Variants in GMCL1 observed in about 807,000 individuals in gnomAD.
GMCL1 encodes germ cell-less protein-like 1.
Under a neutral mutation model 75.5 loss-of-function variants are expected in GMCL1, and 54 were observed. The observed-to-expected ratio is 0.71, with a 90% CI of 0.57 to 0.90. The LOEUF is 0.90. Ranked by LOEUF, GMCL1 falls within the 40% of genes least tolerant of loss-of-function variation. The pLI is 0.00. For synonymous variants in GMCL1, 210 were observed against 209.6 expected, an observed-to-expected ratio of 1.00 and a Z score of -0.02; for missense variants, 537 against 622.7, an observed-to-expected ratio of 0.86 and a Z score of 1.47.
chr2:69,843,125 T>C, intron 4 of GMCL1, 24 bp from the exon 5 acceptor site: 1 of 1,385,888 alleles, frequency 7.2e-7, no homozygotes, highest in Non-Finnish European at 1.0e-6. Context: ...AATGGGCCTT[T>C]CCAGTGCTTA....
chr2:69,861,433 C>T, intron 10 of GMCL1, 86 bp downstream of exon 10: 3 of 791,168 alleles, frequency 3.8e-6, no homozygotes, highest in Non-Finnish European at 6.2e-6. Context: ...AAATCATTAA[C>T]AGTATTGAAA....
chr2:69,865,261 G>A (rs906092659), intron 11 of GMCL1, among the ~76,000 whole-genome samples: 1 of 152,178 alleles, frequency 6.6e-6, no homozygotes, highest in Admixed American at 6.5e-5. Flanking sequence ...GAAATTGTGA[G>A]GGATCTGTTA....
chr2:69,838,070 A>T (rs1674870249), intron 2 of GMCL1, among the ~76,000 whole-genome samples: 2 of 152,196 alleles, frequency 1.3e-5, no homozygotes, highest in African/African-American at 2.4e-5. Context: ...GAGTGTGAAT[A>T]GAAAGTTCTC....
intron 9 of GMCL1, among the ~76,000 whole-genome samples, chr2:69,857,061 A>G (rs1675491673): frequency 6.6e-6 from 1 of 152,164 alleles, no homozygotes; most frequent in African/African-American, 2.4e-5. Context: ...ATTTCTCAGC[A>G]TCAGAAACCT....
At chr2:69,840,703 G>GA (rs1452700534) in intron 3 of GMCL1, among the ~76,000 whole-genome samples, 5 of 152,184 alleles carry the variant, frequency 3.3e-5, no homozygotes. Context: ...TTACATGTTA[G>GA]AAGAATGCAG....
intron 10 of GMCL1, among the ~76,000 whole-genome samples, chr2:69,861,803 C>T (rs770674602): frequency 7.2e-5 from 11 of 152,128 alleles, no homozygotes; most frequent in Non-Finnish European, 1.3e-4. Context: ...ACCATCCAGG[C>T]TGGGCACGGT....
intron 9 of GMCL1, 96 bp from the exon 10 acceptor site, chr2:69,861,182 T>C: frequency 1.1e-6 from 1 of 900,220 alleles, no homozygotes; most frequent in Non-Finnish European, 1.7e-6. Context: ...TAAACTTGTA[T>C]TTAGAAATGG....
chr2:69,859,489 A>C (rs527833278), intron 9 of GMCL1, among the ~76,000 whole-genome samples: 1 of 151,622 alleles, frequency 6.6e-6, no homozygotes, highest in African/African-American at 2.4e-5. Flanking sequence ...AGAAAGATTC[A>C]AAAGTGTATT....
chr2:69,857,917 CT>C (rs922366605), intron 9 of GMCL1, among the ~76,000 whole-genome samples: 1 of 151,904 alleles, frequency 6.6e-6, no homozygotes, highest in African/African-American at 2.4e-5. Flanking sequence ...TAGGAAGTAT[CT>C]TTTTTTTGCT....
chr2:69,858,966 T>G (rs996635809), intron 9 of GMCL1, among the ~76,000 whole-genome samples: 1 of 151,646 alleles, frequency 6.6e-6, no homozygotes, highest in Non-Finnish European at 1.5e-5. Flanking sequence ...ACCAACATGG[T>G]GAAACTCCGT....
At chr2:69,845,348 G>T (rs533236139) in intron 6 of GMCL1, among the ~76,000 whole-genome samples, 7 of 152,212 alleles carry the variant, frequency 4.6e-5, no homozygotes, top group Non-Finnish European at 8.8e-5. Context: ...GCAGTCACCC[G>T]TGAGAAATGG....
intron 10 of GMCL1, among the ~76,000 whole-genome samples, chr2:69,862,200 T>C (rs1204927142): frequency 6.6e-6 from 1 of 152,172 alleles, no homozygotes; most frequent in Non-Finnish European, 1.5e-5. Context: ...TATATAGGTA[T>C]TGTGGAGAGA....
chr2:69,831,193 A>G (rs902021301), intron 1 of GMCL1, among the ~76,000 whole-genome samples: 1 of 152,238 alleles, frequency 6.6e-6, no homozygotes, highest in African/African-American at 2.4e-5. Flanking sequence ...TGCTGGAATT[A>G]TAGGCGTGAG....
rs1421734749 is a variant in GMCL1 at position 69,854,866 on chromosome 2, A to G, written c.978A>G (p.Pro326=). 1.9e-6 allele frequency: 3 copies of G among 1,610,556 alleles called. No individual in the cohort carries two copies. In the South Asian group the frequency reaches 3.3e-5, roughly 18 times the overall value. The change falls in exon 9 of 14, where the codon CCA becomes CCG. Residue 326 remains proline (P), a synonymous_variant. Transcript: ENST00000282570. The part of the protein sequence containing the change: ...MAFLETEQGK[P]FVSVFRHLRL... ...TTCTTGAAACTGAACAAGGAAAACC[A>G]TTTGTGTCAGTATTCAGACATTTAA...
chr2:69,830,096 G>A lies in GMCL1; in HGVS notation c.204G>A (p.Thr68=), dbSNP rs1242020348. 6.3e-7 allele frequency: 1 copy of A among 1,578,556 alleles called. No individual in the cohort carries two copies. Among genetic ancestry groups the A allele is most frequent in the South Asian group, 1.2e-5 (1 of 86,348 alleles). The change falls in exon 1 of 14, where the codon ACG becomes ACA. Residue 68 remains threonine, a synonymous_variant. Transcript: ENST00000282570. ...GCTACTGTCACCCTGACTCGGAGACGGACGAGGATGAGGAGGAGGGGGACG... is the reference window on the plus strand; with the variant it reads ...GCTACTGTCACCCTGACTCGGAGACAGACGAGGATGAGGAGGAGGGGGACG... The part of the protein sequence containing the change: ...SFCYCHPDSE[T]DEDEEEGDEQ...
intron 6 of GMCL1, among the ~76,000 whole-genome samples, chr2:69,845,574 T>C (rs1331719974): frequency 6.6e-6 from 1 of 152,228 alleles, no homozygotes; most frequent in Non-Finnish European, 1.5e-5. Context: ...TGCACCCAGC[T>C]TAGTTTGGCT....
intron 3 of GMCL1, chr2:69,840,139 T>C (rs1674939893): frequency 6.6e-6 from 1 of 152,292 alleles, no homozygotes; most frequent in Middle Eastern, 3.4e-3. Flanking sequence ...TAGTTAAGAA[T>C]ATTTACAGCC....
chr2:69,860,753 A>T (rs1675615791), intron 9 of GMCL1, among the ~76,000 whole-genome samples: 1 of 152,218 alleles, frequency 6.6e-6, no homozygotes, highest in African/African-American at 2.4e-5. Context: ...CAAAGCTGTA[A>T]AACCTTTACC....
intron 1 of GMCL1, among the ~76,000 whole-genome samples, chr2:69,833,587 G>A (rs1336695894): frequency 6.6e-6 from 1 of 152,244 alleles, no homozygotes; most frequent in East Asian, 1.9e-4. Context: ...CTGCGCTCCA[G>A]CCTGAGCAAC....
Sources: allele counts gnomAD v4.1 joint callset (sites outside exome capture counted in the v4.1 genomes callset), GRCh38; gene constraint gnomAD v4.1.1; transcripts MANE v1.5; gene names NCBI Gene and HGNC (gene_info 2026-07-23, HGNC 2026-07-21).